Variants in ADAM23 observed in about 807,000 individuals in gnomAD.
ADAM23 encodes the protein ADAM metallopeptidase domain 23, also known as disintegrin and metalloproteinase domain-containing protein 23.
ADAM23 carries 33 observed loss-of-function variants against 120.1 expected under a neutral mutation model. The ratio of observed to expected loss-of-function variants is 0.27; its 90% CI spans 0.21 to 0.37. The LOEUF (loss-of-function observed/expected upper bound fraction) is 0.37. Ranked by LOEUF, ADAM23 falls within the 10% of genes least tolerant of loss-of-function variation. The pLI, the probability that ADAM23 is intolerant of heterozygous loss-of-function variation, is 1.00. For synonymous variants in ADAM23, 367 were observed against 375.2 expected (o/e 0.98, Z 0.25); for missense variants, 862 against 1,058.2 (o/e 0.81, Z 2.57).
At chr2:206,548,390 T>C in intron 8 of ADAM23, 36 bp downstream of exon 8, 1 of 1,587,568 alleles carries the variant, frequency 6.3e-7, no homozygotes, top group Non-Finnish European at 8.6e-7. Flanking sequence ...GGGCCTATTT[T>C]ACTCAATGAA....
At chr2:206,470,463 T>A (rs992090528) in intron 2 of ADAM23, among the ~76,000 whole-genome samples, 1 of 152,200 alleles carries the variant, frequency 6.6e-6, no homozygotes, top group African/African-American at 2.4e-5. Context: ...TGGTTGATCG[T>A]TTCCAGAGCT....
chr2:206,513,379 T>A (rs988350227), intron 3 of ADAM23, among the ~76,000 whole-genome samples: 71 of 84,138 alleles, frequency 8.4e-4, no homozygotes, highest in Non-Finnish European at 1.4e-3. Context: ...AAAGTTTTAA[T>A]GTTCTGGATA....
At chr2:206,535,551 C>G (rs759799286) in intron 4 of ADAM23, among the ~76,000 whole-genome samples, 13 of 152,058 alleles carry the variant, frequency 8.5e-5, no homozygotes, top group South Asian at 2.1e-4. Context: ...GTGGAAACAC[C>G]CTAAATGTCC....
rs754964294 is a variant in ADAM23, at chr2:206,617,745, C to T, written c.*118C>T. 69 of 1,518,736 alleles carry T rather than the reference C, an allele frequency of 4.5e-5. No homozygotes were observed. In the Middle Eastern group the frequency reaches 1.0e-3, roughly 23 times the overall value. The allele number at this position is 1,518,736 out of a possible 1,614,324, so 94.1% of individuals were successfully genotyped here. On this transcript the variant is annotated 3_prime_UTR_variant, in exon 26 of 26. Transcript: ENST00000264377. ...CAAAACCTTTGGGTGGTAATGACTACGGAGCTAAAGTTGGGGTGACAAGGA... is the reference window on the plus strand; with the variant it reads ...CAAAACCTTTGGGTGGTAATGACTATGGAGCTAAAGTTGGGGTGACAAGGA...
intron 3 of ADAM23, among the ~76,000 whole-genome samples, chr2:206,499,517 A>C (rs975222252): frequency 2.7e-5 from 4 of 150,562 alleles, no homozygotes; most frequent in Non-Finnish European, 4.4e-5. Flanking sequence ...GGGGGATAGC[A>C]TTAGGAGATA....
At chr2:206,520,419 TAATA>T (rs1425964232) in intron 3 of ADAM23, among the ~76,000 whole-genome samples, 1 of 152,242 alleles carries the variant, frequency 6.6e-6, no homozygotes, top group African/African-American at 2.4e-5. Context: ...AGCATTTGCA[TAATA>T]AATTTTAGGA....
intron 6 of ADAM23, 80 bp from the exon 7 acceptor site, chr2:206,547,346 ACAT>A: frequency 9.3e-7 from 1 of 1,073,508 alleles, no homozygotes; most frequent in Admixed American, 2.3e-5. Context: ...TTTAGGAAGG[ACAT>A]TAGAGAAAGT....
At chr2:206,530,669 CTTTTTTTTTTT>C (rs56206262) in intron 3 of ADAM23, among the ~76,000 whole-genome samples, 13 of 74,836 alleles carry the variant, frequency 1.7e-4, no homozygotes, top group African/African-American at 6.3e-4. Context: ...TGTGTCTTGT[CTTTTTTTTTTT>C]TTTTTTTTTT....
At chr2:206,459,648 T>C (rs1695372538) in intron 2 of ADAM23, among the ~76,000 whole-genome samples, 1 of 152,208 alleles carries the variant, frequency 6.6e-6, no homozygotes, top group Non-Finnish European at 1.5e-5. Flanking sequence ...CATATCCAAC[T>C]ATTTAACCTA....
intron 25 of ADAM23, among the ~76,000 whole-genome samples, chr2:206,614,622 A>T (rs1004131129): frequency 1.4e-4 from 22 of 152,142 alleles, no homozygotes; most frequent in African/African-American, 5.3e-4. Flanking sequence ...ATTGCACTCC[A>T]GCCTGGGCAA....
At chr2:206,472,296 G>A (rs889594060) in intron 2 of ADAM23, among the ~76,000 whole-genome samples, 1 of 152,104 alleles carries the variant, frequency 6.6e-6, no homozygotes, top group Non-Finnish European at 1.5e-5. Context: ...TTTCTCTTCA[G>A]CGTCCATCTT....
chr2:206,502,456 T>C (rs185681961), intron 3 of ADAM23, among the ~76,000 whole-genome samples: 46 of 152,220 alleles, frequency 3.0e-4, no homozygotes, highest in Non-Finnish European at 5.1e-4. Flanking sequence ...TGGCCAAAAA[T>C]TGGTATTTTT....
chr2:206,583,754 C>A (rs1205022720), intron 18 of ADAM23, among the ~76,000 whole-genome samples: 4 of 152,076 alleles, frequency 2.6e-5, no homozygotes, highest in Non-Finnish European at 5.9e-5. Context: ...GAATATTTCT[C>A]CCTTCTTCCA....
chr2:206,562,329 C>G, intron 13 of ADAM23, 36 bp downstream of exon 13: 1 of 1,518,082 alleles, frequency 6.6e-7, no homozygotes, highest in Non-Finnish European at 9.1e-7. Context: ...TTTTCATGTG[C>G]CATTCTGTCT....
At position 206,561,267 on chromosome 2, in the gene ADAM23, G is replaced by A. The variant is rs376591309; in HGVS notation, c.1254+55G>A. 4 of 1,462,472 alleles carry A rather than the reference G, an allele frequency of 2.7e-6. No homozygotes were observed. In the African/African-American group the frequency reaches 5.6e-5, roughly 20 times the overall value. 90.6% of individuals were successfully genotyped at this position (1,462,472 alleles called of 1,614,324 possible). ...TGCATCTGTTCTCTTTTTTCCCTAT[G>A]GCCCAGTTTACATCCTTTCTCGTGC... On this transcript the variant is annotated intron_variant, in intron 12 of 25. Coordinates refer to ENST00000264377, the MANE Select transcript of ADAM23 (RefSeq NM_003812.4).
At chr2:206,542,503 C>T (rs1352321933) in intron 5 of ADAM23, among the ~76,000 whole-genome samples, 1 of 152,066 alleles carries the variant, frequency 6.6e-6, no homozygotes, top group Non-Finnish European at 1.5e-5. Flanking sequence ...ATCTAAGAAA[C>T]TTAGACCTAA....
intron 3 of ADAM23, among the ~76,000 whole-genome samples, chr2:206,496,762 A>C (rs1696258546): frequency 6.6e-6 from 1 of 152,182 alleles, no homozygotes; most frequent in Admixed American, 6.5e-5. Context: ...TAGCAAGACT[A>C]ATAAAGAAGA....
At chr2:206,524,673 C>T (rs1696908940) in intron 3 of ADAM23, among the ~76,000 whole-genome samples, 1 of 152,144 alleles carries the variant, frequency 6.6e-6, no homozygotes, top group African/African-American at 2.4e-5. Context: ...AAGGGGTTTC[C>T]CCTTATAAAA....
At chr2:206,537,675 T>G (rs1165268611) in intron 4 of ADAM23, among the ~76,000 whole-genome samples, 1 of 152,182 alleles carries the variant, frequency 6.6e-6, no homozygotes, top group Non-Finnish European at 1.5e-5. Context: ...ATAATTGGGT[T>G]TAAAAATTCG....
Sources: allele counts gnomAD v4.1 joint callset (sites outside exome capture counted in the v4.1 genomes callset), GRCh38; gene constraint gnomAD v4.1.1; transcripts MANE v1.5; gene names NCBI Gene and HGNC (gene_info 2026-07-23, HGNC 2026-07-21).